Variants in MAP2K5 observed in about 807,000 individuals in gnomAD.
MAP2K5 encodes the protein mitogen-activated protein kinase kinase 5, also known as dual specificity mitogen-activated protein kinase kinase 5.
MAP2K5 carries 49 observed loss-of-function variants against 83.1 expected under a neutral mutation model. That is an observed-to-expected ratio of 0.59 (90% CI 0.47 to 0.75). The LOEUF (loss-of-function observed/expected upper bound fraction) is 0.75, where lower values mean the gene tolerates loss of function less well. MAP2K5 is among the 30% of genes least tolerant of loss of function. The probability of loss-of-function intolerance (pLI) is 0.00; values close to 1 mark genes in which losing one functional copy is unlikely to be tolerated. For synonymous variants in MAP2K5, 202 were observed against 191.8 expected (o/e 1.05, Z -0.44); for missense variants, 457 against 557.5 (o/e 0.82, Z 1.82).
chr15:67,589,565 A>G (rs2085353999), intron 6 of MAP2K5, among the ~76,000 whole-genome samples: 1 of 152,246 alleles, frequency 6.6e-6, no homozygotes, highest in African/African-American at 2.4e-5. Context: ...TGTATTAGGA[A>G]TCACGTTTTA....
chr15:67,599,779 G>A (rs1393077111), intron 7 of MAP2K5, among the ~76,000 whole-genome samples: 1 of 151,442 alleles, frequency 6.6e-6, no homozygotes, highest in Non-Finnish European at 1.5e-5. Flanking sequence ...GAATAAAGTT[G>A]GCAGTTAATT....
intron 17 of MAP2K5, among the ~76,000 whole-genome samples, chr15:67,732,481 A>G (rs1194423601): frequency 1.3e-5 from 2 of 152,220 alleles, no homozygotes; most frequent in East Asian, 3.8e-4. Context: ...TTTTGCATGT[A>G]TAAAAATACT....
At chr15:67,567,394 G>C (rs1347753052) in intron 3 of MAP2K5, among the ~76,000 whole-genome samples, 1 of 124,850 alleles carries the variant, frequency 8.0e-6, no homozygotes, top group East Asian at 2.3e-4. Flanking sequence ...GTCTCGCTCT[G>C]TCGCCCAGGC....
chr15:67,603,086 TAACTC>T (rs150162598), intron 8 of MAP2K5, among the ~76,000 whole-genome samples: 18,385 of 152,248 alleles, frequency 0.12, 1,188 homozygotes, highest in East Asian at 0.2. Flanking sequence ...GAAATACACA[TAACTC>T]AAGTTAACAT....
intron 9 of MAP2K5, among the ~76,000 whole-genome samples, chr15:67,634,276 G>A (rs1344263021): frequency 1.3e-5 from 2 of 148,648 alleles, no homozygotes; most frequent in Admixed American, 1.4e-4. Flanking sequence ...GGCTAAGGTG[G>A]GAGGATCGCT....
rs1344664419 is a variant in MAP2K5 at position 67,781,768 on chromosome 15, T to G, written c.1242+9016T>G. On this transcript the variant is annotated intron_variant, in intron 21 of 21. Transcript: ENST00000178640. This position sits in a 1 kb window ranked among gnomAD's most constrained non-coding sequence, Gnocchi z 4.0. Reference sequence around the variant, plus strand: ...ATTGACTCTTAATTGTTAGCCTGTGTGTGTCTTAGCTTCCTCAGAAGGCTT... The same window carrying G: ...ATTGACTCTTAATTGTTAGCCTGTGGGTGTCTTAGCTTCCTCAGAAGGCTT... Among the ~76,000 whole-genome samples, 1 of 152,238 alleles carries G rather than the reference T, an allele frequency of 6.6e-6. No individual in the cohort carries two copies. The highest frequency in any genetic ancestry group is 1.5e-5 in the Non-Finnish European group (1 of 68,042).
intron 8 of MAP2K5, among the ~76,000 whole-genome samples, chr15:67,620,397 C>T: frequency 6.6e-6 from 1 of 152,000 alleles, no homozygotes; most frequent in East Asian, 1.9e-4. Context: ...CAAAAAACCA[C>T]TACTGATAAA....
Position 67,563,935 on chromosome 15 carries a change from A to G in MAP2K5, c.252+585A>G, listed in dbSNP as rs1361198697. Among the ~76,000 whole-genome samples, 2 of 152,240 alleles carry G rather than the reference A, an allele frequency of 1.3e-5. No individual in the cohort carries two copies. The highest frequency in any genetic ancestry group is 2.9e-5 in the Non-Finnish European group (2 of 68,038). ...GAAAATCTGCGTTAACAGTTATCTG[A>G]TACTGAAGTAAACAAGAGAAAAGGG... On this transcript the variant is annotated intron_variant, in intron 3 of 21. Transcript: ENST00000178640. This position sits in a 1 kb window ranked among gnomAD's most constrained non-coding sequence, Gnocchi z 4.5.
rs1048960716 is a variant in MAP2K5 at position 67,783,136 on chromosome 15, T to G, written c.1242+10384T>G. Among the ~76,000 whole-genome samples the G allele has an allele frequency of 6.6e-6, 1 of 152,254 alleles. No homozygotes were observed. Among genetic ancestry groups the G allele is most frequent in the Admixed American group, 6.5e-5 (1 of 15,288 alleles). Reference sequence around the variant, plus strand: ...CATTTCAGTCTGCACTCGCCATTTTTATGTCTTAGCATCTGCTCTGTGCCC... The same window carrying G: ...CATTTCAGTCTGCACTCGCCATTTTGATGTCTTAGCATCTGCTCTGTGCCC... On this transcript the variant is annotated intron_variant, in intron 21 of 21. Transcript: ENST00000178640. The surrounding 1 kb of genome is among the most constrained non-coding windows in gnomAD (Gnocchi z 5.1).
At chr15:67,600,500 A>C (rs1404981497) in intron 7 of MAP2K5, among the ~76,000 whole-genome samples, 185 bp from the exon 8 acceptor site, 8 of 152,180 alleles carry the variant, frequency 5.3e-5, no homozygotes, top group Admixed American at 5.2e-4. Flanking sequence ...TAAACTTTCC[A>C]TCACTTCGTC....
rs2141307515 is a variant in MAP2K5, at chr15:67,774,285, T to G, written c.1242+1533T>G. On this transcript the variant is annotated intron_variant, in intron 21 of 21. Transcript: ENST00000178640. The surrounding 1 kb of genome is among the most constrained non-coding windows in gnomAD (Gnocchi z 4.9). The stretch of plus-strand genomic sequence containing the variant: ...GTCCCACATTTTAAATTAATAAATA[T>G]CAATAAATCAATAAAATACAATGAA... Among the ~76,000 whole-genome samples, 1 of 152,216 alleles carries G rather than the reference T, an allele frequency of 6.6e-6. No individual in the cohort carries two copies. The highest frequency in any genetic ancestry group is 1.5e-5 in the Non-Finnish European group (1 of 68,010).
In MAP2K5 at chr15:67,586,842, A is replaced by G. The variant is rs1444865880; in HGVS notation, c.364-4A>G. 1.1e-5 allele frequency: 18 copies of G among 1,613,748 alleles called. No individual in the cohort carries two copies. Among genetic ancestry groups the G allele is most frequent in the East Asian group, 2.2e-5 (1 of 44,872 alleles). ...ACTGATCAAGATTCTTTCTTTACTT[A>G]TAGGTGAATACTCGGGCCGGACCCT... On this transcript the variant is annotated splice_region_variant and splice_polypyrimidine_tract_variant and intron_variant, in intron 5 of 21. Coordinates refer to ENST00000178640, the MANE Select transcript of MAP2K5 (RefSeq NM_145160.3).
intron 8 of MAP2K5, among the ~76,000 whole-genome samples, chr15:67,610,963 TA>T (rs988244860): frequency 6.6e-6 from 1 of 152,198 alleles, no homozygotes; most frequent in African/African-American, 2.4e-5. Context: ...TGAATTTAAA[TA>T]ATAAAATGAA....
intron 8 of MAP2K5, among the ~76,000 whole-genome samples, chr15:67,621,882 CTG>C (rs1383742524): frequency 1.3e-5 from 2 of 152,056 alleles, no homozygotes; most frequent in Non-Finnish European, 2.9e-5. Flanking sequence ...GTTGCTAACT[CTG>C]TGAAGAATAA....
chr15:67,684,488 C>T (rs1283892591), intron 13 of MAP2K5, among the ~76,000 whole-genome samples: 1 of 152,202 alleles, frequency 6.6e-6, no homozygotes, highest in East Asian at 1.9e-4. Context: ...AAGTCCAACA[C>T]TCTGGATTAC....
chr15:67,684,443 A>G (rs758780295), intron 13 of MAP2K5, among the ~76,000 whole-genome samples: 1 of 152,248 alleles, frequency 6.6e-6, no homozygotes. Flanking sequence ...TGATTCAGCT[A>G]TCAGTGTTCA....
chr15:67,619,147 C>G lies in MAP2K5; in HGVS notation c.546-11741C>G, dbSNP rs144413112. Reference sequence around the variant, plus strand: ...CTTGCTGTTTCCTCTACCTGGAATCCCCTTCCCCTAGATGTCCGAATGGTG... The same window carrying G: ...CTTGCTGTTTCCTCTACCTGGAATCGCCTTCCCCTAGATGTCCGAATGGTG... On this transcript the variant is annotated intron_variant, in intron 8 of 21. Transcript: ENST00000178640. Among the ~76,000 whole-genome samples the G allele has an allele frequency of 3.7e-3, 568 of 152,218 alleles. 4 individuals are homozygous for G. The highest frequency in any genetic ancestry group is 0.013 in the African/African-American group (545 of 41,520).
chr15:67,563,454 A>G lies in MAP2K5; in HGVS notation c.252+104A>G, dbSNP rs2084778993. 7.1e-7 allele frequency: 1 copy of G among 1,409,374 alleles called. No individual in the cohort carries two copies. Among genetic ancestry groups the G allele is most frequent in the Admixed American group, 2.4e-5 (1 of 41,546 alleles). The allele number at this position is 1,409,374 out of a possible 1,614,324, so 87.3% of individuals were successfully genotyped here. Reference sequence around the variant, plus strand: ...CGAGTAAATAAATCACAGTTGTCATACATTTTTCTATATAATAGGTAAAGG... The same window carrying G: ...CGAGTAAATAAATCACAGTTGTCATGCATTTTTCTATATAATAGGTAAAGG... On this transcript the variant is annotated intron_variant, in intron 3 of 21. Transcript: ENST00000178640. This position sits in a 1 kb window ranked among gnomAD's most constrained non-coding sequence, Gnocchi z 4.5.
intron 21 of MAP2K5, among the ~76,000 whole-genome samples, chr15:67,773,767 A>T (rs2090185190): frequency 6.6e-6 from 1 of 152,190 alleles, no homozygotes; most frequent in Admixed American, 6.5e-5. Flanking sequence ...TCTGCAATTT[A>T]TAACTCTGCA....
Sources: gnomAD v4.1 joint callset for allele counts (sites outside exome capture counted in the v4.1 genomes callset) on GRCh38, gnomAD v4.1.1 for gene constraint, Gnocchi (gnomAD v3.1) non-coding constraint, MANE v1.5 for transcripts, NCBI Gene and HGNC (gene_info 2026-07-23, HGNC 2026-07-21) for gene names.